The following PLD6 variants were observed in gnomAD, a reference collection of about 807,000 sequenced individuals.
The protein encoded by PLD6 is phospholipase D family member 6, also known as mitochondrial cardiolipin hydrolase.
In PLD6, 10 loss-of-function variants were observed where a neutral mutation model predicts 9.7. That is an observed-to-expected ratio of 1.03 (90% confidence interval 0.64 to 1.75). The LOEUF (loss-of-function observed/expected upper bound fraction) is 1.75. PLD6 is among the 40% of genes most tolerant of loss of function. The pLI, the probability that PLD6 is intolerant of heterozygous loss-of-function variation, is 0.00. For synonymous variants in PLD6, 152 were observed against 159.2 expected, an observed-to-expected ratio of 0.96 and a Z score of 0.34; for missense variants, 334 against 347.6, an observed-to-expected ratio of 0.96 and a Z score of 0.31.
At chr17:17,204,179 C>T (rs552019701) in intron 1 of PLD6, among the ~76,000 whole-genome samples, 4 of 152,362 alleles carry the variant, frequency 2.6e-5, no homozygotes, top group South Asian at 2.1e-4. Flanking sequence ...CCCCTCCCCG[C>T]GGCCTGCCAC....
rs773528299 is a variant in PLD6, at chr17:17,205,890, C to G, written c.397G>C (p.Gly133Arg). 1 of 1,576,284 alleles carries G rather than the reference C, an allele frequency of 6.3e-7. No homozygotes were observed. The highest frequency in any genetic ancestry group is 1.2e-5 in the South Asian group (1 of 86,126). Residue 133 changes from glycine to arginine, a missense_variant, in exon 1 of 2, where the codon GGC (glycine) becomes CGC (arginine). By Grantham distance (125) the Gly-to-Arg change is moderately radical. Coordinates refer to ENST00000321560, the MANE Select transcript of PLD6 (RefSeq NM_178836.4). ...VTDCDYMALN[G>R]SQIGLLRKAG... ...TTGCGCAGCAGACCGATTTGCGAGC[C>G]GTTGAGGGCCATGTAGTCGCAGTCG...
rs751662295 is a variant in PLD6 at position 17,203,028 on chromosome 17, C to T, written c.498G>A (p.Val166=). The change falls in exon 2 of 2, where the codon GTG becomes GTA. Residue 166 remains valine, a synonymous_variant. Transcript: ENST00000321560. ...HHKFAIVDKR[V]LITGSLNWTT... is the part of the protein sequence containing the mutation. Reference sequence around the variant, plus strand: ...TCCAGTTGAGCGAGCCAGTGATGAGCACCCTCTTGTCCACGATGGCAAACT... The same window carrying T: ...TCCAGTTGAGCGAGCCAGTGATGAGTACCCTCTTGTCCACGATGGCAAACT... The T allele has an allele frequency of 1.2e-6, 2 of 1,614,238 alleles. No homozygotes were observed. The highest frequency in any genetic ancestry group is 1.3e-5 in the African/African-American group (1 of 75,046).
rs1393582493 is a variant in PLD6 at position 17,206,204 on chromosome 17, C to T, written c.83G>A (p.Arg28His). Reference protein sequence around the residue: ...LTLEALPWVLRWLRSRRRRPR... With the variant: ...LTLEALPWVLHWLRSRRRRPR... ...CCGCCGCCGCCTGGACCGCAGCCAG[C>T]GCAGCACCCAAGGCAGCGCCTCCAG... is the stretch of plus-strand genomic sequence containing the variant. Residue 28 changes from arginine to histidine, a missense_variant, in exon 1 of 2, where the codon CGC becomes CAC. Transcript: ENST00000321560. 2.6e-6 allele frequency: 4 copies of T among 1,530,606 alleles called. No homozygotes were observed. The highest frequency in any genetic ancestry group is 2.0e-5 in the Admixed American group (1 of 50,876). 94.8% of individuals were successfully genotyped at this position (1,530,606 alleles called of 1,614,324 possible). A position where few individuals can be genotyped will look rare whatever the true frequency, so the allele number is the denominator to read the frequency against.
chr17:17,206,316 G>C lies in PLD6; in HGVS notation c.-30C>G. On this transcript the variant is annotated 5_prime_UTR_variant, in exon 1 of 2. Transcript: ENST00000321560. ...CCGCTAATCCGGGACCCACAGCCACGCCGCCGCAGCGGAGTCTGCGCGCCC... is the reference window on the plus strand; with the variant it reads ...CCGCTAATCCGGGACCCACAGCCACCCCGCCGCAGCGGAGTCTGCGCGCCC... 2.0e-6 allele frequency: 3 copies of C among 1,493,910 alleles called. No individual in the cohort carries two copies. The highest frequency in any genetic ancestry group is 2.6e-6 in the Non-Finnish European group (3 of 1,132,406). The allele number at this position is 1,493,910 out of a possible 1,614,324, so 92.5% of individuals were successfully genotyped here.
chr17:17,205,045 G>A (rs1452438417), intron 1 of PLD6, among the ~76,000 whole-genome samples: 1 of 150,642 alleles, frequency 6.6e-6, no homozygotes, highest in Non-Finnish European at 1.5e-5. Context: ...GCACGTGCAG[G>A]CGTGACTTTC....
chr17:17,203,676 C>G (rs1210279374), intron 1 of PLD6, among the ~76,000 whole-genome samples: 1 of 152,228 alleles, frequency 6.6e-6, no homozygotes, highest in African/African-American at 2.4e-5. Context: ...CTCTTCCCAG[C>G]TTTCAAACTC....
rs1167048400 is a variant in PLD6, at chr17:17,201,548, C to T, written c.*1219G>A. On this transcript the variant is annotated 3_prime_UTR_variant, in exon 2 of 2. Transcript: ENST00000321560. ...GACACCACGGCCTGAAGCTGCTCTC[C>T]TCTTCCCCGCTCTCCTCTCCTCCGG... 6.6e-6 allele frequency: 1 copy of T among 152,358 alleles called. No homozygotes were observed. The highest frequency in any genetic ancestry group is 1.5e-5 in the Non-Finnish European group (1 of 68,116). 9.4% of individuals were successfully genotyped at this position (152,358 alleles called of 1,614,324 possible).
chr17:17,205,718 CACCCCG>C, intron 1 of PLD6, 136 bp downstream of exon 1: 2 of 1,011,888 alleles, frequency 2.0e-6, no homozygotes, highest in Non-Finnish European at 2.8e-6. Flanking sequence ...CGCGTTACAC[CACCCCG>C]ACCCCACAAG....
chr17:17,203,622 C>G (rs935326462), intron 1 of PLD6, among the ~76,000 whole-genome samples: 2 of 151,942 alleles, frequency 1.3e-5, no homozygotes. Context: ...CTCTTCCGCA[C>G]CCCCCTGCTT....
chr17:17,206,212 C>A lies in PLD6; in HGVS notation c.75G>T (p.Trp25Cys). ...GLALTLEALP[W>C]VLRWLRSRRR... is the part of the protein sequence containing the mutation. ...GCCTGGACCGCAGCCAGCGCAGCAC[C>A]CAAGGCAGCGCCTCCAGAGTCAGAG... is the stretch of plus-strand genomic sequence containing the variant. Residue 25 changes from tryptophan (W) to cysteine (C), a missense_variant, in exon 1 of 2, where the codon TGG becomes TGT. Trp to Cys is a radical substitution (Grantham distance 215, BLOSUM62 -2). Coordinates refer to ENST00000321560, the MANE Select transcript of PLD6 (RefSeq NM_178836.4). 6.5e-7 allele frequency: 1 copy of A among 1,537,206 alleles called. No individual in the cohort carries two copies. The highest frequency in any genetic ancestry group is 8.7e-7 in the Non-Finnish European group (1 of 1,151,858).
rs2046685244 is a variant in PLD6, at chr17:17,202,759, A to G, written c.*8T>C. On this transcript the variant is annotated 3_prime_UTR_variant, in exon 2 of 2. Coordinates refer to ENST00000321560, the MANE Select transcript of PLD6 (RefSeq NM_178836.4). ...CAGCCCGCAGGGAGGGCTCAGCCCCATTCTTGGTTAGGTTTGGCTTTCGCT... is the reference window on the plus strand; with the variant it reads ...CAGCCCGCAGGGAGGGCTCAGCCCCGTTCTTGGTTAGGTTTGGCTTTCGCT... 6 of 1,610,128 alleles carry G rather than the reference A, an allele frequency of 3.7e-6. No homozygotes were observed. The African/African-American group carries it at 5.4e-5, about 14-fold the overall frequency.
Position 17,202,794 on chromosome 17 carries a change from G to A in PLD6, c.732C>T (p.Cys244=), listed in dbSNP as rs775213418. ...GGRLLSWHRT[C]GTSSESQT is the part of the protein sequence containing the mutation. ...AGGTTTGGCTTTCGCTGGAGGTGCC[G>A]CAAGTTCTGTGCCATGAAAGCAATC... is the stretch of plus-strand genomic sequence containing the variant. Residue 244 remains cysteine (C), a synonymous_variant, in exon 2 of 2, where the codon TGC becomes TGT. Coordinates refer to ENST00000321560, the MANE Select transcript of PLD6 (RefSeq NM_178836.4). 30 of 1,613,776 alleles carry A rather than the reference G, an allele frequency of 1.9e-5. No individual in the cohort carries two copies. Among genetic ancestry groups the A allele is most frequent in the South Asian group, 6.6e-5 (6 of 91,094 alleles).
chr17:17,203,761 C>T (rs1373077248), intron 1 of PLD6, among the ~76,000 whole-genome samples: 1 of 152,076 alleles, frequency 6.6e-6, no homozygotes, highest in African/African-American at 2.4e-5. Flanking sequence ...GGAATGAGGC[C>T]GTCAGAAATG....
chr17:17,205,979 C>A lies in PLD6; in HGVS notation c.308G>T (p.Ser103Ile), dbSNP rs758086221. 6.4e-7 allele frequency: 1 copy of A among 1,554,006 alleles called. No homozygotes were observed. The highest frequency in any genetic ancestry group is 1.9e-5 in the Admixed American group (1 of 51,814). Residue 103 changes from serine to isoleucine, a missense_variant, in exon 1 of 2, where the codon AGC becomes ATC. Ser to Ile is a moderately radical substitution (Grantham distance 142, BLOSUM62 -2). Coordinates refer to ENST00000321560, the MANE Select transcript of PLD6 (RefSeq NM_178836.4). ...SLDLCLFAFS[S>I]PQLGRAVQLL... ...CTGCACGGCGCGGCCCAGCTGCGGG[C>A]TGGAGAAGGCGAACAGGCAGAGATC...
chr17:17,205,729 C>G, intron 1 of PLD6, 131 bp downstream of exon 1: 1 of 1,124,028 alleles, frequency 8.9e-7, no homozygotes, highest in Non-Finnish European at 1.2e-6. Flanking sequence ...ACCCCGACCC[C>G]ACAAGGCCAC....
At chr17:17,203,171 C>G (rs2046689539) in intron 1 of PLD6, 73 bp from the exon 2 acceptor site, 1 of 1,435,766 alleles carries the variant, frequency 7.0e-7, no homozygotes, top group Admixed American at 2.2e-5. Flanking sequence ...CTGGGGGCTA[C>G]TGGCTTTACT....
chr17:17,205,835 T>TC (rs1567799821), intron 1 of PLD6, 25 bp downstream of exon 1: 8 of 1,549,818 alleles, frequency 5.2e-6, no homozygotes, highest in African/African-American at 1.4e-5. Context: ...GCCGGCCTTC[T>TC]CCGCTTGGAC....
chr17:17,201,826 C>CA lies in PLD6; in HGVS notation c.*940dup, dbSNP rs796457194. ...GAAACCCTGTCTCTACTAAAAATAC[C>CA]AAAAAAAAAATCAGCCAGGTGTTGT... On this transcript the variant is annotated 3_prime_UTR_variant, in exon 2 of 2. Transcript: ENST00000321560. 3.7e-4 allele frequency: 54 copies of CA among 147,514 alleles called. No homozygotes were observed. Among genetic ancestry groups the CA allele is most frequent in the Non-Finnish European group, 5.0e-4 (33 of 66,426 alleles). The allele number at this position is 147,514 out of a possible 1,614,324, so 9.1% of individuals were successfully genotyped here. A position where few individuals can be genotyped will look rare whatever the true frequency, so the allele number is the denominator to read the frequency against.
In PLD6 at chr17:17,202,476, CT is replaced by C; in HGVS notation, c.*290del. 2.5e-6 allele frequency: 1 copy of C among 392,436 alleles called. No individual in the cohort carries two copies. The highest frequency in any genetic ancestry group is 5.0e-5 in the East Asian group (1 of 20,172). 24.3% of individuals were successfully genotyped at this position (392,436 alleles called of 1,614,324 possible). On this transcript the variant is annotated 3_prime_UTR_variant, in exon 2 of 2. Transcript: ENST00000321560. ...GATCGACCTGGAAGAGGCACTGTGCCTTTTCTGTGCTGTAGCAGAAGTTTCG... is the reference window on the plus strand; with the variant it reads ...GATCGACCTGGAAGAGGCACTGTGCCTTTCTGTGCTGTAGCAGAAGTTTCG...
Sources: gnomAD v4.1 joint callset for allele counts (sites outside exome capture counted in the v4.1 genomes callset) on GRCh38, gnomAD v4.1.1 for gene constraint, MANE v1.5 for transcripts, NCBI Gene and HGNC (gene_info 2026-07-23, HGNC 2026-07-21) for gene names.